The following MBNL2 variants were observed in gnomAD, a reference collection of about 807,000 sequenced individuals.
The protein encoded by MBNL2 is muscleblind like splicing regulator 2.
MBNL2 carries 17 observed loss-of-function variants against 41.9 expected under a neutral mutation model. The ratio of observed to expected loss-of-function variants is 0.41; its 90% CI spans 0.28 to 0.61. The LOEUF (loss-of-function observed/expected upper bound fraction) is 0.61, where lower values mean the gene tolerates loss of function less well. MBNL2 is among the 20% of genes least tolerant of loss of function. MBNL2 has a pLI of 0.35. For synonymous variants in MBNL2, 195 were observed against 182.9 expected (o/e 1.07, Z -0.53); for missense variants, 336 against 505.6 (o/e 0.66, Z 3.22).
chr13:97,376,389 G>C (rs1566450423), intron 8 of MBNL2, among the ~76,000 whole-genome samples: 1 of 152,082 alleles, frequency 6.6e-6, no homozygotes, highest in Non-Finnish European at 1.5e-5. Context: ...ATTTTGATTT[G>C]TACTATAAAG....
chr13:97,280,148 C>T (rs2053058174), intron 2 of MBNL2, among the ~76,000 whole-genome samples: 1 of 152,124 alleles, frequency 6.6e-6, no homozygotes. Flanking sequence ...CCACATTAAC[C>T]GTGTCTCTGA....
At chr13:97,308,535 G>T (rs2058317955) in intron 2 of MBNL2, among the ~76,000 whole-genome samples, 1 of 152,122 alleles carries the variant, frequency 6.6e-6, no homozygotes, top group Non-Finnish European at 1.5e-5. Context: ...AATGATGATG[G>T]CCCATTTAAC....
At chr13:97,286,049 G>C (rs891773560) in intron 2 of MBNL2, among the ~76,000 whole-genome samples, 5 of 152,194 alleles carry the variant, frequency 3.3e-5, no homozygotes, top group Non-Finnish European at 7.3e-5. Context: ...CCTGCCACAT[G>C]TCTTTATCCA....
intron 2 of MBNL2, among the ~76,000 whole-genome samples, chr13:97,318,118 C>A (rs1402531827): frequency 6.6e-6 from 1 of 152,198 alleles, no homozygotes; most frequent in Non-Finnish European, 1.5e-5. Context: ...TCTAACCTCT[C>A]TGTGCCTTGG....
In MBNL2 at chr13:97,334,503, G is replaced by A. The variant is rs1048031845; in HGVS notation, c.339+63G>A. On this transcript the variant is annotated intron_variant, in intron 3 of 8. Transcript: ENST00000679496. The surrounding 1 kb of genome is among the most constrained non-coding windows in gnomAD (Gnocchi z 5.3). ...ACAGTGTTGGTATGGATGATGCCACGTTGACCTAGGGTGGCCTCTCTCCAC... is the reference window on the plus strand; with the variant it reads ...ACAGTGTTGGTATGGATGATGCCACATTGACCTAGGGTGGCCTCTCTCCAC... 22 of 1,252,096 alleles carry A rather than the reference G, an allele frequency of 1.8e-5. No homozygotes were observed. Among genetic ancestry groups the A allele is most frequent in the Middle Eastern group, 1.9e-4 (1 of 5,130 alleles). The allele number at this position is 1,252,096 out of a possible 1,614,324, so 77.6% of individuals were successfully genotyped here. A position where few individuals can be genotyped will look rare whatever the true frequency, so the allele number is the denominator to read the frequency against.
At position 97,389,493 on chromosome 13, in the gene MBNL2, A is replaced by T. The variant is rs753138633; in HGVS notation, c.1049-1829A>T. On this transcript the variant is annotated intron_variant, in intron 8 of 8. Transcript: ENST00000679496. The stretch of plus-strand genomic sequence containing the variant: ...TGAGGTGGAAGGATTTCTTGAGCCT[A>T]GGAGTTTGAGACAAGCCAGGGCAAC... Among the ~76,000 whole-genome samples the T allele has an allele frequency of 2.0e-4, 30 of 152,148 alleles. 1 individual carries two copies. Among genetic ancestry groups the T allele is most frequent in the Admixed American group, 2.0e-3 (30 of 15,266 alleles).
At chr13:97,354,835 A>T (rs2062843949) in intron 5 of MBNL2, among the ~76,000 whole-genome samples, 1 of 152,192 alleles carries the variant, frequency 6.6e-6, no homozygotes, top group African/African-American at 2.4e-5. Flanking sequence ...GTAAATACTT[A>T]GGACTGCAAA....
chr13:97,227,064 TC>T (rs1401989130), intron 1 of MBNL2, among the ~76,000 whole-genome samples: 44 of 64,020 alleles, frequency 6.9e-4, no homozygotes, highest in African/African-American at 1.2e-3. Context: ...AAAAAAAAAA[TC>T]AAAAAAAAAA....
At chr13:97,189,757 C>T in the MBNL2 span, among the ~76,000 whole-genome samples, 1 of 152,160 alleles carries the variant, frequency 6.6e-6, no homozygotes, top group Admixed American at 6.5e-5. Context: ...ACCCTATGTA[C>T]AGAACTCGCG....
At chr13:97,380,007 G>T (rs1431042032) in intron 8 of MBNL2, among the ~76,000 whole-genome samples, 1 of 152,126 alleles carries the variant, frequency 6.6e-6, no homozygotes, top group Non-Finnish European at 1.5e-5. Flanking sequence ...TTGGACCTAG[G>T]TTTTCATTTA....
intron 3 of MBNL2, among the ~76,000 whole-genome samples, chr13:97,342,586 A>C (rs944801069): frequency 3.9e-5 from 6 of 152,238 alleles, no homozygotes; most frequent in Admixed American, 6.5e-5. Context: ...AGACTTGGCC[A>C]ACTTGAAAAT....
At position 97,372,026 on chromosome 13, in the gene MBNL2, G is replaced by A. The variant is rs114446758; in HGVS notation, c.1048+6855G>A. ...TCCAACCACAGGCTTCTGCTTAAAG[G>A]AAAGAGTCCCCTCAGGTGTAGAGTC... On this transcript the variant is annotated intron_variant, in intron 8 of 8. Transcript: ENST00000679496. 2.1e-3 allele frequency among the ~76,000 whole-genome samples: 322 copies of A among 152,296 alleles called. 2 individuals are homozygous for A. The highest frequency in any genetic ancestry group is 7.2e-3 in the African/African-American group (298 of 41,554).
chr13:97,325,944 A>G (rs2059878376), intron 2 of MBNL2, among the ~76,000 whole-genome samples: 1 of 151,472 alleles, frequency 6.6e-6, no homozygotes, highest in African/African-American at 2.4e-5. Flanking sequence ...TCACAAATCT[A>G]CTCCCAAAGC....
chr13:97,321,902 A>G (rs7989373), intron 2 of MBNL2, among the ~76,000 whole-genome samples: 22,947 of 152,184 alleles, frequency 0.15, 2,609 homozygotes, highest in African/African-American at 0.31. Flanking sequence ...CCTCTGTTTC[A>G]TCCCATAAAA....
the MBNL2 span, among the ~76,000 whole-genome samples, chr13:97,215,637 T>C: frequency 2.0e-5 from 3 of 151,896 alleles, no homozygotes; most frequent in African/African-American, 7.3e-5. Flanking sequence ...AAGAAAAATG[T>C]TTTTTTTCAA....
At chr13:97,163,723 C>T in the MBNL2 span, among the ~76,000 whole-genome samples, 1 of 152,146 alleles carries the variant, frequency 6.6e-6, no homozygotes. Flanking sequence ...CCTGCACACA[C>T]CTGCACACAC....
intron 1 of MBNL2, among the ~76,000 whole-genome samples, chr13:97,252,456 T>C (rs2046754058): frequency 6.6e-6 from 1 of 152,168 alleles, no homozygotes; most frequent in Non-Finnish European, 1.5e-5. Context: ...TAGGATTAAA[T>C]CTACAAATTA....
chr13:97,200,051 T>C, the MBNL2 span, among the ~76,000 whole-genome samples: 3 of 152,204 alleles, frequency 2.0e-5, no homozygotes, highest in South Asian at 2.1e-4. Flanking sequence ...GGAGTCTACA[T>C]TGATGAATTG....
intron 2 of MBNL2, among the ~76,000 whole-genome samples, chr13:97,320,146 C>T (rs559914317): frequency 6.6e-6 from 1 of 152,190 alleles, no homozygotes; most frequent in South Asian, 2.1e-4. Context: ...TAACCAGTAT[C>T]ATAAACTGGA....
Sources: allele counts gnomAD v4.1 joint callset (sites outside exome capture counted in the v4.1 genomes callset), GRCh38; gene constraint gnomAD v4.1.1; non-coding constraint Gnocchi (gnomAD v3.1); transcripts MANE v1.5; gene names NCBI Gene and HGNC (gene_info 2026-07-23, HGNC 2026-07-21).